Variants in TMEM98 observed in about 807,000 individuals in gnomAD.
TMEM98 encodes transmembrane protein 98.
A neutral mutation model predicts 25.0 loss-of-function variants in TMEM98; 18 were observed. That is an observed-to-expected ratio of 0.72 (90% CI 0.50 to 1.07). TMEM98 has a LOEUF of 1.07. TMEM98 is among the 50% of genes least tolerant of loss of function. The probability of loss-of-function intolerance (pLI) is 0.00; values close to 1 mark genes in which losing one functional copy is unlikely to be tolerated. For synonymous variants in TMEM98, 103 were observed against 112.4 expected, an observed-to-expected ratio of 0.92 and a Z score of 0.53; for missense variants, 241 against 289.0, an observed-to-expected ratio of 0.83 and a Z score of 1.20.
At chr17:32,930,043 G>A (rs1004308408) in intron 1 of TMEM98, among the ~76,000 whole-genome samples, 2 of 152,004 alleles carry the variant, frequency 1.3e-5, no homozygotes, top group Non-Finnish European at 2.9e-5. Flanking sequence ...GACCGAGAGC[G>A]TTTGGACCCT....
intron 1 of TMEM98, among the ~76,000 whole-genome samples, chr17:32,929,090 A>T (rs1247190883): frequency 6.6e-6 from 1 of 151,836 alleles, no homozygotes; most frequent in Admixed American, 6.6e-5. Context: ...AAACACAATC[A>T]GCTCACACCC....
chr17:32,938,391 G>A (rs749206154), intron 6 of TMEM98, among the ~76,000 whole-genome samples: 8 of 152,176 alleles, frequency 5.3e-5, no homozygotes, highest in South Asian at 2.1e-4. Context: ...TGTCCTCACC[G>A]GCTCCACAGC....
chr17:32,928,817 ACAC>A (rs1484671690), intron 1 of TMEM98, among the ~76,000 whole-genome samples: 6 of 146,360 alleles, frequency 4.1e-5, no homozygotes, highest in African/African-American at 1.7e-4. Flanking sequence ...ACTCAGAAGC[ACAC>A]AAGATAAACA....
At chr17:32,930,396 A>G (rs1598198292) in intron 1 of TMEM98, among the ~76,000 whole-genome samples, 1 of 132,060 alleles carries the variant, frequency 7.6e-6, no homozygotes, top group African/African-American at 3.0e-5. Context: ...TCTGTGCACT[A>G]GTATATACAA....
chr17:32,934,630 C>T (rs1486165859), intron 5 of TMEM98, among the ~76,000 whole-genome samples: 1 of 152,152 alleles, frequency 6.6e-6, no homozygotes, highest in East Asian at 1.9e-4. Context: ...TTCCTGAGAC[C>T]GTGTAGCTGC....
rs1287751014 is a variant in TMEM98 at position 32,943,919 on chromosome 17, A to G, written c.*2926A>G. On this transcript the variant is annotated 3_prime_UTR_variant, in exon 8 of 8. Coordinates refer to ENST00000579849, the MANE Select transcript of TMEM98 (RefSeq NM_015544.3). ...GGGCTCTGGAATTGAGTGGCCAAAA[A>G]TCTGGAATCCCTACAGTAGGGAGAG... 6.6e-6 allele frequency: 1 copy of G among 152,256 alleles called. No homozygotes were observed. The highest frequency in any genetic ancestry group is 1.5e-5 in the Non-Finnish European group (1 of 68,090). The allele number at this position is 152,256 out of a possible 1,614,324, so 9.4% of individuals were successfully genotyped here. A position where few individuals can be genotyped will look rare whatever the true frequency, so the allele number is the denominator to read the frequency against.
At chr17:32,936,064 T>C (rs979007291) in intron 5 of TMEM98, among the ~76,000 whole-genome samples, 3 of 152,168 alleles carry the variant, frequency 2.0e-5, no homozygotes, top group Admixed American at 1.3e-4. Context: ...ATGATTTTTC[T>C]TAAGACAGAT....
At chr17:32,940,674 G>C (rs557341865) in intron 7 of TMEM98, 112 bp from the exon 8 acceptor site, 1 of 997,680 alleles carries the variant, frequency 1.0e-6, no homozygotes, top group Admixed American at 2.3e-5. Context: ...CAACATCCTA[G>C]GGAAGGGTGT....
chr17:32,934,200 C>A, intron 4 of TMEM98, 91 bp from the exon 5 acceptor site: 2 of 1,450,308 alleles, frequency 1.4e-6, no homozygotes, highest in Non-Finnish European at 1.9e-6. Context: ...GCTGTGCCCA[C>A]CGGTCAGGGC....
intron 5 of TMEM98, 122 bp downstream of exon 5, chr17:32,934,446 T>G: frequency 9.2e-7 from 1 of 1,081,312 alleles, no homozygotes; most frequent in Non-Finnish European, 1.4e-6. Flanking sequence ...TTCCTTAACT[T>G]GACACTTGGA....
intron 6 of TMEM98, among the ~76,000 whole-genome samples, chr17:32,937,181 C>G (rs1045998051): frequency 1.3e-5 from 2 of 152,202 alleles, no homozygotes; most frequent in Non-Finnish European, 2.9e-5. Flanking sequence ...GCCACCTGGC[C>G]CCTCCGCCCA....
chr17:32,929,275 AAC>A (rs111932119), intron 1 of TMEM98, among the ~76,000 whole-genome samples: 13 of 151,480 alleles, frequency 8.6e-5, no homozygotes, highest in Non-Finnish European at 1.3e-4. Context: ...CACTAACACA[AAC>A]ACACACGGAG....
chr17:32,940,953 C>G lies in TMEM98; in HGVS notation c.641C>G (p.Pro214Arg). The change falls in exon 8 of 8, where the codon CCA (proline) becomes CGA (arginine). Residue 214 changes from proline (P) to arginine (R), a missense_variant. By Grantham distance (103) the Pro-to-Arg change is moderately radical. Coordinates refer to ENST00000579849, the MANE Select transcript of TMEM98 (RefSeq NM_015544.3). ...ALASEPDKGL[P>R]GPEGFLQEQS... ...GCTTCTGAGCCAGATAAAGGCCTCC[C>G]AGGCCCTGAAGGCTTCCTGCAGGAG... 6.2e-7 allele frequency: 1 copy of G among 1,613,502 alleles called. No individual in the cohort carries two copies. The highest frequency in any genetic ancestry group is 8.5e-7 in the Non-Finnish European group (1 of 1,179,882).
In TMEM98 at chr17:32,936,309, C is replaced by G. The variant is rs374298549; in HGVS notation, c.298-23C>G. Reference sequence around the variant, plus strand: ...TGAGTGGAGCCAGGTCAGCCCTCATCTCTCTCCTCCCTGCCGCATTAGATT... The same window carrying G: ...TGAGTGGAGCCAGGTCAGCCCTCATGTCTCTCCTCCCTGCCGCATTAGATT... On this transcript the variant is annotated intron_variant, in intron 5 of 7. Coordinates refer to ENST00000579849, the MANE Select transcript of TMEM98 (RefSeq NM_015544.3). 9 of 1,604,046 alleles carry G rather than the reference C, an allele frequency of 5.6e-6. No homozygotes were observed. In the African/African-American group the frequency reaches 1.2e-4, roughly 21 times the overall value.
At chr17:32,931,712 AAGAG>A (rs1458603821) in intron 3 of TMEM98, 53 bp downstream of exon 3, 2 of 1,571,886 alleles carry the variant, frequency 1.3e-6, no homozygotes, top group Non-Finnish European at 1.7e-6. Flanking sequence ...ACTAAAGAAA[AAGAG>A]AGGAACACGT....
chr17:32,931,330 C>G lies in TMEM98; in HGVS notation c.-127C>G. The G allele has an allele frequency of 3.4e-6, 2 of 588,676 alleles. No homozygotes were observed. Among genetic ancestry groups the G allele is most frequent in the South Asian group, 5.7e-5 (2 of 34,930 alleles). 36.5% of individuals were successfully genotyped at this position (588,676 alleles called of 1,614,324 possible). A position where few individuals can be genotyped will look rare whatever the true frequency, so the allele number is the denominator to read the frequency against. On this transcript the variant is annotated 5_prime_UTR_variant, in exon 2 of 8. Coordinates refer to ENST00000579849, the MANE Select transcript of TMEM98 (RefSeq NM_015544.3). ...ATTTTACCTTGGTTCTCTTCAGGCC[C>G]TCAGGTCTCTGCAGGTGTCGTGGAG... is the stretch of plus-strand genomic sequence containing the variant.
intron 1 of TMEM98, among the ~76,000 whole-genome samples, chr17:32,929,126 C>G (rs1467432633): frequency 6.6e-6 from 1 of 151,898 alleles, no homozygotes; most frequent in Admixed American, 6.6e-5. Flanking sequence ...AGATAAACAG[C>G]TCACACAAGC....
chr17:32,939,548 G>T lies in TMEM98; in HGVS notation c.473+12G>T, dbSNP rs763981759. ...CTCCTGGACGCACGGTGAGACCAGGGGTGGGTGCATGTTCGGTTTTTCATG... is the reference window on the plus strand; with the variant it reads ...CTCCTGGACGCACGGTGAGACCAGGTGTGGGTGCATGTTCGGTTTTTCATG... On this transcript the variant is annotated intron_variant, in intron 7 of 7. Transcript: ENST00000579849. 1 of 1,614,018 alleles carries T rather than the reference G, an allele frequency of 6.2e-7. No homozygotes were observed. Among genetic ancestry groups the T allele is most frequent in the Non-Finnish European group, 8.5e-7 (1 of 1,179,876 alleles).
In TMEM98 at chr17:32,943,872, C is replaced by A. The variant is rs1483817377; in HGVS notation, c.*2879C>A. ...GTCACCTCAGTTACCATGGCTTGGT[C>A]CAAGCAGTGACTTCTGTTCATGGGC... On this transcript the variant is annotated 3_prime_UTR_variant, in exon 8 of 8. Coordinates refer to ENST00000579849, the MANE Select transcript of TMEM98 (RefSeq NM_015544.3). 6.6e-6 allele frequency: 1 copy of A among 152,260 alleles called. No individual in the cohort carries two copies. Among genetic ancestry groups the A allele is most frequent in the Non-Finnish European group, 1.5e-5 (1 of 68,098 alleles). The allele number at this position is 152,260 out of a possible 1,614,324, so 9.4% of individuals were successfully genotyped here. A position where few individuals can be genotyped will look rare whatever the true frequency, so the allele number is the denominator to read the frequency against.
Sources: allele counts gnomAD v4.1 joint callset (sites outside exome capture counted in the v4.1 genomes callset), GRCh38; gene constraint gnomAD v4.1.1; transcripts MANE v1.5; gene names NCBI Gene and HGNC (gene_info 2026-07-23, HGNC 2026-07-21).